Variants in PPME1 observed in about 807,000 individuals in gnomAD.
The protein encoded by PPME1 is testicular secretory protein Li 39.
Under a neutral mutation model 56.9 loss-of-function variants are expected in PPME1, and 17 were observed. The observed-to-expected ratio is 0.30, with a 90% CI of 0.20 to 0.45. The LOEUF is 0.45. Among genes scored for constraint, PPME1 ranks in the 20% least tolerant of loss-of-function variants. The pLI is 1.00. For synonymous variants in PPME1, 122 were observed against 156.2 expected (o/e 0.78, Z 1.63); for missense variants, 357 against 483.2 (o/e 0.74, Z 2.45).
chr11:74,171,510 A>C lies in PPME1; in HGVS notation c.89A>C (p.Lys30Thr), dbSNP rs752106296. The C allele has an allele frequency of 6.2e-7, 1 of 1,612,760 alleles. No individual in the cohort carries two copies. The highest frequency in any genetic ancestry group is 1.7e-5 in the Admixed American group (1 of 59,882). Residue 30 changes from lysine to threonine, a missense_variant, in exon 1 of 14, where the codon AAG becomes ACG. Physicochemically the swap from Lys to Thr is moderately conservative, Grantham distance 78. Coordinates refer to ENST00000328257, the MANE Select transcript of PPME1 (RefSeq NM_016147.3). ...AGCGGGGGCAGTCAGAGCGGAGCCA[A>C]GATGCGAATGGGGTACGTGACCCAT... ...PGSGGSQSGA[K>T]MRMGPGRKRD...
intron 9 of PPME1, among the ~76,000 whole-genome samples, chr11:74,242,187 AG>A (rs1859378252): frequency 6.6e-6 from 1 of 152,216 alleles, no homozygotes; most frequent in Admixed American, 6.5e-5. Context: ...TTTTGCATGT[AG>A]ATACCCAATA....
At chr11:74,223,062 A>G (rs1201789361) in intron 4 of PPME1, among the ~76,000 whole-genome samples, 2 of 151,878 alleles carry the variant, frequency 1.3e-5, no homozygotes, top group Admixed American at 6.6e-5. Context: ...ATCTAGCATT[A>G]GGTATATCTC....
intron 1 of PPME1, among the ~76,000 whole-genome samples, chr11:74,175,394 A>C (rs1422542055): frequency 6.6e-6 from 1 of 152,052 alleles, no homozygotes; most frequent in Non-Finnish European, 1.5e-5. Flanking sequence ...CCAGCTACTC[A>C]GGAGGCTGAG....
Position 74,247,067 on chromosome 11 carries a change from CTT to C in PPME1, c.965-11_965-10del, listed in dbSNP as rs376268420. Reference sequence around the variant, plus strand: ...CAAAATCTGTTTCACAATGAATTCTCTTGTTTTCTAGGTGTTGATAGATTGGA... The same window carrying C: ...CAAAATCTGTTTCACAATGAATTCTCGTTTTCTAGGTGTTGATAGATTGGA... On this transcript the variant is annotated splice_polypyrimidine_tract_variant and intron_variant, in intron 10 of 13. Coordinates refer to ENST00000328257, the MANE Select transcript of PPME1 (RefSeq NM_016147.3). 4.5e-5 allele frequency: 73 copies of C among 1,607,354 alleles called. No individual in the cohort carries two copies. The East Asian group carries it at 6.5e-4, about 14-fold the overall frequency.
intron 1 of PPME1, among the ~76,000 whole-genome samples, chr11:74,192,785 T>G (rs2135605699): frequency 6.6e-6 from 1 of 152,236 alleles, no homozygotes; most frequent in African/African-American, 2.4e-5. Context: ...ACACAGATGC[T>G]CCCACTTCAC....
chr11:74,213,432 A>C (rs1451478398), intron 3 of PPME1, among the ~76,000 whole-genome samples: 1 of 152,208 alleles, frequency 6.6e-6, no homozygotes, highest in Non-Finnish European at 1.5e-5. Flanking sequence ...GGAAGGACAG[A>C]AGCCTGGCTG....
chr11:74,248,601 ATT>A (rs1026547586), intron 11 of PPME1: 1 of 151,574 alleles, frequency 6.6e-6, no homozygotes, highest in Admixed American at 6.6e-5. Flanking sequence ...GGACTGTGTG[ATT>A]TTTTTTCCAT....
intron 2 of PPME1, 60 bp from the exon 3 acceptor site, chr11:74,204,293 T>A (rs1183806951): frequency 2.2e-6 from 3 of 1,344,284 alleles, no homozygotes; most frequent in Non-Finnish European, 3.1e-6. Flanking sequence ...TTACTATGAT[T>A]AAATAATGAA....
intron 9 of PPME1, chr11:74,243,454 G>C (rs898994429): frequency 6.6e-6 from 1 of 152,092 alleles, no homozygotes; most frequent in African/African-American, 2.4e-5. Flanking sequence ...ATTATGCCTT[G>C]TCTCTGACGG....
chr11:74,214,593 A>T (rs1212685304), intron 3 of PPME1, among the ~76,000 whole-genome samples: 1 of 152,126 alleles, frequency 6.6e-6, no homozygotes, highest in Non-Finnish European at 1.5e-5. Flanking sequence ...AACAAATAAT[A>T]TACAATGGAA....
intron 9 of PPME1, among the ~76,000 whole-genome samples, chr11:74,239,669 C>T (rs533808419): frequency 4.0e-4 from 60 of 151,656 alleles, no homozygotes; most frequent in African/African-American, 1.0e-3. Flanking sequence ...CTCCGCCTCC[C>T]GGGTTCACGC....
intron 9 of PPME1, among the ~76,000 whole-genome samples, chr11:74,242,899 A>C (rs1056094554): frequency 1.3e-5 from 2 of 151,644 alleles, no homozygotes; most frequent in East Asian, 1.9e-4. Context: ...AAAAAAAAAA[A>C]AAAACAGGCT....
intron 3 of PPME1, among the ~76,000 whole-genome samples, chr11:74,213,992 A>T (rs1161959110): frequency 6.6e-6 from 1 of 152,244 alleles, no homozygotes; most frequent in Non-Finnish European, 1.5e-5. Context: ...CATGAACTAA[A>T]TAAGGCACCA....
chr11:74,193,330 G>A (rs1279697277), intron 1 of PPME1, among the ~76,000 whole-genome samples: 1 of 152,178 alleles, frequency 6.6e-6, no homozygotes, highest in Non-Finnish European at 1.5e-5. Flanking sequence ...ACTTTGTTTT[G>A]TGCACAAAAT....
chr11:74,194,430 G>T (rs1857927311), intron 1 of PPME1, among the ~76,000 whole-genome samples: 1 of 152,086 alleles, frequency 6.6e-6, no homozygotes, highest in African/African-American at 2.4e-5. Context: ...AGATTTAATG[G>T]TCTAAGTGCC....
At chr11:74,238,965 G>T in intron 8 of PPME1, 168 bp from the exon 9 acceptor site, 1 of 647,732 alleles carries the variant, frequency 1.5e-6, no homozygotes, top group Non-Finnish European at 2.5e-6. Context: ...GTTATACATT[G>T]GCCATGATTT....
At chr11:74,197,586 C>A (rs894993230) in intron 1 of PPME1, among the ~76,000 whole-genome samples, 7 of 152,162 alleles carry the variant, frequency 4.6e-5, no homozygotes, top group African/African-American at 1.7e-4. Flanking sequence ...GCTTACAGAA[C>A]TGAAGTGACT....
intron 1 of PPME1, among the ~76,000 whole-genome samples, chr11:74,177,515 T>C (rs1857430099): frequency 6.6e-6 from 1 of 152,184 alleles, no homozygotes; most frequent in South Asian, 2.1e-4. Flanking sequence ...GCCAAATTTC[T>C]ATATAAATCC....
chr11:74,190,154 A>G (rs1857796023), intron 1 of PPME1, among the ~76,000 whole-genome samples: 1 of 152,234 alleles, frequency 6.6e-6, no homozygotes, highest in Non-Finnish European at 1.5e-5. Context: ...AAAGCCACCT[A>G]GCAGCATGCA....
Sources: allele counts gnomAD v4.1 joint callset (sites outside exome capture counted in the v4.1 genomes callset), GRCh38; gene constraint gnomAD v4.1.1; transcripts MANE v1.5; gene names NCBI Gene and HGNC (gene_info 2026-07-23, HGNC 2026-07-21).